Variants in SH3RF3 observed in about 807,000 individuals in gnomAD.
SH3RF3 encodes E3 ubiquitin-protein ligase SH3RF3.
SH3RF3 carries 29 observed loss-of-function variants against 66.3 expected under a neutral mutation model. The observed-to-expected ratio is 0.44, with a 90% CI of 0.33 to 0.60. The LOEUF is 0.60. Among genes scored for constraint, SH3RF3 ranks in the 20% least tolerant of loss-of-function variants. SH3RF3 has a pLI of 0.04. For missense variants in SH3RF3, 1,194 were observed against 1,190.9 expected, an observed-to-expected ratio of 1.00 and a Z score of -0.04; for synonymous variants, 583 against 532.0, an observed-to-expected ratio of 1.10 and a Z score of -1.32.
intron 1 of SH3RF3, among the ~76,000 whole-genome samples, chr2:109,246,471 A>G (rs1679918883): frequency 2.0e-5 from 3 of 152,186 alleles, no homozygotes; most frequent in African/African-American, 2.4e-5. Flanking sequence ...TAATAGCATT[A>G]CCTTGGAGGT....
intron 1 of SH3RF3, among the ~76,000 whole-genome samples, chr2:109,238,808 C>G (rs569684007): frequency 6.6e-6 from 1 of 152,210 alleles, no homozygotes; most frequent in East Asian, 1.9e-4. Context: ...TGAAACCCGG[C>G]GAGGTGTGGT....
chr2:109,406,849 G>A (rs1033564319), intron 4 of SH3RF3, among the ~76,000 whole-genome samples: 3 of 152,056 alleles, frequency 2.0e-5, no homozygotes, highest in African/African-American at 7.3e-5. Flanking sequence ...TTCAGTGGTC[G>A]AAGCCAATCT....
chr2:109,198,122 G>A (rs1032634004), intron 1 of SH3RF3, among the ~76,000 whole-genome samples: 2 of 152,168 alleles, frequency 1.3e-5, no homozygotes, highest in African/African-American at 4.8e-5. Flanking sequence ...AAGTCTCTCA[G>A]TACCCTAAGC....
At chr2:109,393,432 G>A (rs949905615) in intron 3 of SH3RF3, among the ~76,000 whole-genome samples, 8 of 152,200 alleles carry the variant, frequency 5.3e-5, no homozygotes, top group African/African-American at 1.2e-4. Flanking sequence ...CTATTGAGCC[G>A]GAGTTGGCCT....
chr2:109,467,877 C>G (rs1317975614), intron 8 of SH3RF3, among the ~76,000 whole-genome samples: 3 of 152,050 alleles, frequency 2.0e-5, no homozygotes, highest in African/African-American at 7.3e-5. Context: ...ACATCCCTCA[C>G]AGACCTCAGA....
intron 1 of SH3RF3, among the ~76,000 whole-genome samples, chr2:109,136,003 A>C (rs1033895238): frequency 1.3e-5 from 2 of 152,210 alleles, no homozygotes; most frequent in Non-Finnish European, 2.9e-5. Context: ...CGTAGGACAC[A>C]ATAGCTTGTC....
At chr2:109,334,505 G>A (rs1682361480) in intron 1 of SH3RF3, among the ~76,000 whole-genome samples, 1 of 152,160 alleles carries the variant, frequency 6.6e-6, no homozygotes, top group South Asian at 2.1e-4. Context: ...GGCACAGACT[G>A]GCTTGGCTAA....
intron 1 of SH3RF3, among the ~76,000 whole-genome samples, chr2:109,284,440 C>G (rs144991876): frequency 6.6e-6 from 1 of 152,096 alleles, no homozygotes; most frequent in African/African-American, 2.4e-5. Flanking sequence ...TGGTCTAGGG[C>G]GTGTGGACTG....
chr2:109,273,425 C>T (rs190915734), intron 1 of SH3RF3, among the ~76,000 whole-genome samples: 1 of 152,338 alleles, frequency 6.6e-6, no homozygotes, highest in East Asian at 1.9e-4. Flanking sequence ...AGACCCATGC[C>T]TGCCCCCAGG....
intron 1 of SH3RF3, among the ~76,000 whole-genome samples, chr2:109,306,465 G>T (rs532642832): frequency 6.6e-6 from 1 of 152,316 alleles, no homozygotes; most frequent in Admixed American, 6.5e-5. Flanking sequence ...TACCGCAGAA[G>T]GTATGGGAGC....
chr2:109,240,558 T>TC (rs1303341079), intron 1 of SH3RF3, among the ~76,000 whole-genome samples: 2 of 151,988 alleles, frequency 1.3e-5, no homozygotes, highest in Non-Finnish European at 2.9e-5. Context: ...AGTAGCAGAG[T>TC]CCCCTGGTGT....
intron 1 of SH3RF3, among the ~76,000 whole-genome samples, chr2:109,340,268 A>G (rs1317207496): frequency 6.6e-6 from 1 of 152,122 alleles, no homozygotes; most frequent in African/African-American, 2.4e-5. Flanking sequence ...CAGATAATAT[A>G]AGGCCAAGCT....
At chr2:109,188,297 G>A (rs1678250275) in intron 1 of SH3RF3, among the ~76,000 whole-genome samples, 1 of 152,152 alleles carries the variant, frequency 6.6e-6, no homozygotes, top group South Asian at 2.1e-4. Context: ...GTGGGATCTG[G>A]GACACAGAAA....
At chr2:109,173,377 G>A (rs559156818) in intron 1 of SH3RF3, among the ~76,000 whole-genome samples, 37 of 152,226 alleles carry the variant, frequency 2.4e-4, no homozygotes, top group African/African-American at 7.0e-4. Context: ...GTTGTCTATC[G>A]TGTGACTGTT....
intron 2 of SH3RF3, among the ~76,000 whole-genome samples, chr2:109,365,425 T>A (rs900345518): frequency 6.6e-6 from 1 of 152,206 alleles, no homozygotes; most frequent in Non-Finnish European, 1.5e-5. Flanking sequence ...TCCCTATTGA[T>A]CTCTTCAATT....
intron 1 of SH3RF3, among the ~76,000 whole-genome samples, chr2:109,243,669 G>A (rs1448241317): frequency 6.6e-6 from 1 of 152,234 alleles, no homozygotes; most frequent in Admixed American, 6.5e-5. Context: ...GAAGGGGCCA[G>A]GGAGGCAAAG....
At chr2:109,249,497 CTT>C (rs1286410726) in intron 1 of SH3RF3, among the ~76,000 whole-genome samples, 1,430 of 32,052 alleles carry the variant, frequency 0.045, 38 homozygotes, top group African/African-American at 0.15. Context: ...TTCTTTCTTT[CTT>C]TCTTTCTTTC....
intron 2 of SH3RF3, among the ~76,000 whole-genome samples, chr2:109,360,119 G>C (rs1683026172): frequency 6.6e-6 from 1 of 151,622 alleles, no homozygotes. Context: ...CAGCATCATA[G>C]GTAGAGACTG....
intron 2 of SH3RF3, among the ~76,000 whole-genome samples, chr2:109,352,077 C>T (rs944875281): frequency 1.3e-5 from 2 of 152,140 alleles, no homozygotes; most frequent in Admixed American, 6.5e-5. Flanking sequence ...CATGGTGACT[C>T]GAACATTTAC....
Sources: gnomAD v4.1 joint callset for allele counts (sites outside exome capture counted in the v4.1 genomes callset) on GRCh38, gnomAD v4.1.1 for gene constraint, MANE v1.5 for transcripts, NCBI Gene and HGNC (gene_info 2026-07-23, HGNC 2026-07-21) for gene names.